GPR137B: variants seen among roughly 807,000 people sequenced by gnomAD.
GPR137B encodes G protein-coupled receptor 137B, also known as integral membrane protein GPR137B.
A neutral mutation model predicts 42.5 loss-of-function variants in GPR137B; 42 were observed. The observed-to-expected ratio is 0.99, with a 90% CI of 0.77 to 1.28. The LOEUF (loss-of-function observed/expected upper bound fraction) is 1.28. Among genes scored for constraint, GPR137B ranks in the 50% most tolerant of loss-of-function variants. The probability of loss-of-function intolerance (pLI) is 0.00; values close to 1 mark genes in which losing one functional copy is unlikely to be tolerated. For synonymous variants in GPR137B, 218 were observed against 209.7 expected, an observed-to-expected ratio of 1.04 and a Z score of -0.34; for missense variants, 487 against 493.9, an observed-to-expected ratio of 0.99 and a Z score of 0.13.
chr1:236,142,975 A>G lies in GPR137B; in HGVS notation c.353A>G (p.Tyr118Cys), dbSNP rs781511012. 7 of 1,613,824 alleles carry G rather than the reference A, an allele frequency of 4.3e-6. No homozygotes were observed. Among genetic ancestry groups the G allele is most frequent in the African/African-American group, 4.0e-5 (3 of 74,900 alleles). Residue 118 changes from tyrosine to cysteine, a missense_variant, in exon 1 of 7, where the codon TAC (tyrosine) becomes TGC (cysteine). Tyr to Cys is a radical substitution (Grantham distance 194). Transcript: ENST00000366592. Reference sequence around the variant, plus strand: ...AGCCCCTTCGTCTTCTGGCTGCTCTACTGCTTCCCTGTGTGCCTGCAGTTT... The same window carrying G: ...AGCCCCTTCGTCTTCTGGCTGCTCTGCTGCTTCCCTGTGTGCCTGCAGTTT... ...SLSPFVFWLL[Y>C]CFPVCLQFFT...
chr1:236,159,612 G>A (rs1280362212), intron 1 of GPR137B, among the ~76,000 whole-genome samples: 1 of 150,782 alleles, frequency 6.6e-6, no homozygotes, highest in Admixed American at 6.6e-5. Context: ...GGCAGAGGTT[G>A]CAGGAAAAAA....
intron 1 of GPR137B, among the ~76,000 whole-genome samples, chr1:236,158,182 G>A (rs369211131): frequency 1.1e-4 from 17 of 152,200 alleles, no homozygotes; most frequent in East Asian, 5.8e-4. Context: ...CCAACACTTT[G>A]AGAGGCTGAG....
At chr1:236,176,532 G>C (rs140454424) in intron 2 of GPR137B, among the ~76,000 whole-genome samples, 16 of 152,100 alleles carry the variant, frequency 1.1e-4, no homozygotes, top group Non-Finnish European at 2.1e-4. Context: ...CTCTCAGCAC[G>C]AGCCTGATGA....
At chr1:236,188,152 T>A (rs905370885) in intron 5 of GPR137B, among the ~76,000 whole-genome samples, 11 of 152,202 alleles carry the variant, frequency 7.2e-5, no homozygotes, top group Non-Finnish European at 1.3e-4. Context: ...GGAATGCTTG[T>A]GATTTTTGCA....
Position 236,178,561 on chromosome 1 carries a change from G to A in GPR137B, c.612G>A (p.Leu204=), listed in dbSNP as rs1216236445. The A allele has an allele frequency of 9.9e-6, 16 of 1,613,146 alleles. No individual in the cohort carries two copies. The highest frequency in any genetic ancestry group is 1.7e-5 in the Admixed American group (1 of 59,980). The change falls in exon 3 of 7, where the codon CTG becomes CTA. Residue 204 remains leucine (L), a synonymous_variant. Coordinates refer to ENST00000366592, the MANE Select transcript of GPR137B (RefSeq NM_003272.4). ...RVAINDTLFV[L]CAVSLSICLY... is the part of the protein sequence containing the mutation. ...CCATTAATGACACGCTCTTCGTGCT[G>A]TGTGCCGTCTCTCTCTCCATCTGTC... is the stretch of plus-strand genomic sequence containing the variant.
In GPR137B at chr1:236,181,920, G is replaced by C. The variant is rs1435459400; in HGVS notation, c.838-1858G>C. On this transcript the variant is annotated intron_variant, in intron 4 of 6. Coordinates refer to ENST00000366592, the MANE Select transcript of GPR137B (RefSeq NM_003272.4). ...TTTTTTTTTTTTTTTTTGAGACGGAGTCTCTCTCTGTCACCAGGCTGGAGT... is the reference window on the plus strand; with the variant it reads ...TTTTTTTTTTTTTTTTTGAGACGGACTCTCTCTCTGTCACCAGGCTGGAGT... Among the ~76,000 whole-genome samples the C allele has an allele frequency of 9.3e-5, 4 of 43,164 alleles. No homozygotes were observed. In the East Asian group the frequency reaches 0.01, roughly 113 times the overall value. 28.3% of individuals were successfully genotyped at this position (43,164 alleles called of 152,430 possible).
intron 4 of GPR137B, among the ~76,000 whole-genome samples, chr1:236,180,517 T>C (rs1333110149): frequency 5.9e-5 from 9 of 152,208 alleles, no homozygotes; most frequent in Non-Finnish European, 2.9e-5. Flanking sequence ...ACCTGCCTTG[T>C]TCCCTTTTGA....
At chr1:236,149,940 G>T (rs1661798850) in intron 1 of GPR137B, among the ~76,000 whole-genome samples, 1 of 152,040 alleles carries the variant, frequency 6.6e-6, no homozygotes, top group South Asian at 2.1e-4. Flanking sequence ...ACCTGTGTGT[G>T]TATGTGCATA....
chr1:236,170,867 T>A (rs1165020616), intron 2 of GPR137B, among the ~76,000 whole-genome samples: 2 of 151,370 alleles, frequency 1.3e-5, no homozygotes, highest in African/African-American at 4.9e-5. Flanking sequence ...TCCCAGCTAC[T>A]CAGGAGGCTG....
At chr1:236,192,168 C>T (rs1421428132) in intron 5 of GPR137B, among the ~76,000 whole-genome samples, 1 of 152,148 alleles carries the variant, frequency 6.6e-6, no homozygotes, top group East Asian at 1.9e-4. Flanking sequence ...GGATGTCCCT[C>T]CCCACACCAA....
chr1:236,200,900 C>CTT (rs3082496), intron 5 of GPR137B, among the ~76,000 whole-genome samples: 54,749 of 149,430 alleles, frequency 0.37, 11,269 homozygotes, highest in East Asian at 0.61. Context: ...TGCCTGAATA[C>CTT]TTTTTTTTTT....
At chr1:236,149,978 G>T (rs537342966) in intron 1 of GPR137B, among the ~76,000 whole-genome samples, 2 of 151,486 alleles carry the variant, frequency 1.3e-5, no homozygotes, top group East Asian at 3.9e-4. Flanking sequence ...GCACCTGTGT[G>T]TGTGTGGGGT....
intron 5 of GPR137B, among the ~76,000 whole-genome samples, chr1:236,188,031 G>A (rs561422083): frequency 4.6e-5 from 7 of 152,202 alleles, no homozygotes; most frequent in African/African-American, 1.7e-4. Context: ...AGTTCTCCTT[G>A]GAGAGGTCCT....
At chr1:236,196,822 A>G (rs1016075126) in intron 5 of GPR137B, among the ~76,000 whole-genome samples, 9 of 152,086 alleles carry the variant, frequency 5.9e-5, no homozygotes, top group Non-Finnish European at 1.3e-4. Context: ...AGTCCATGGT[A>G]TATATATACC....
chr1:236,143,123 G>T (rs1002018218), intron 1 of GPR137B, 87 bp downstream of exon 1: 45 of 1,185,024 alleles, frequency 3.8e-5, no homozygotes, highest in Non-Finnish European at 5.4e-5. Context: ...GCAGCCGCGG[G>T]GGCGGGTCCG....
intron 6 of GPR137B, among the ~76,000 whole-genome samples, chr1:236,205,483 A>G (rs986703629): frequency 2.0e-5 from 3 of 152,208 alleles, no homozygotes; most frequent in African/African-American, 7.2e-5. Context: ...TTCCTAAACA[A>G]TATTCCATGA....
chr1:236,197,946 C>A (rs1297850680), intron 5 of GPR137B, among the ~76,000 whole-genome samples: 1 of 152,028 alleles, frequency 6.6e-6, no homozygotes, highest in Non-Finnish European at 1.5e-5. Context: ...GTCTTGAACT[C>A]CTGACCTCAA....
intron 2 of GPR137B, among the ~76,000 whole-genome samples, chr1:236,174,441 C>G (rs938302080): frequency 6.6e-6 from 1 of 152,112 alleles, no homozygotes; most frequent in Admixed American, 6.5e-5. Flanking sequence ...GTGCTGGGTT[C>G]TGGAAGATGC....
At chr1:236,158,388 C>T (rs1446794955) in intron 1 of GPR137B, among the ~76,000 whole-genome samples, 4 of 152,212 alleles carry the variant, frequency 2.6e-5, no homozygotes, top group Non-Finnish European at 4.4e-5. Context: ...GGCACCACTG[C>T]GCTCCAGCCT....
Sources: allele counts gnomAD v4.1 joint callset (sites outside exome capture counted in the v4.1 genomes callset), GRCh38; gene constraint gnomAD v4.1.1; transcripts MANE v1.5; gene names NCBI Gene and HGNC (gene_info 2026-07-23, HGNC 2026-07-21).